The following TENM3 variants were observed in gnomAD, a reference collection of about 807,000 sequenced individuals.
TENM3 encodes teneurin-3.
Under a neutral mutation model 255.1 loss-of-function variants are expected in TENM3, and 63 were observed. The ratio of observed to expected loss-of-function variants is 0.25; its 90% confidence interval spans 0.20 to 0.30. TENM3 has a LOEUF of 0.30. Among genes scored for constraint, TENM3 ranks in the 10% least tolerant of loss-of-function variants. The probability of loss-of-function intolerance (pLI) is 1.00; values close to 1 mark genes in which losing one functional copy is unlikely to be tolerated. For missense variants in TENM3, 2,929 were observed against 3,461.1 expected (o/e 0.85, Z 3.86); for synonymous variants, 1,306 against 1,322.3 (o/e 0.99, Z 0.27).
chr4:181,644,432 T>TA, the TENM3 span, among the ~76,000 whole-genome samples: 26,370 of 146,272 alleles, frequency 0.18, 2,504 homozygotes, highest in East Asian at 0.32. Context: ...TCTCTTATCT[T>TA]AAAAAAAAAA....
chr4:181,961,284 A>G, the TENM3 span, among the ~76,000 whole-genome samples: 1 of 152,312 alleles, frequency 6.6e-6, no homozygotes, highest in East Asian at 1.9e-4. Context: ...ACTGTTTGCA[A>G]TTGTTTTACA....
chr4:181,672,585 A>G, the TENM3 span, among the ~76,000 whole-genome samples: 2 of 152,144 alleles, frequency 1.3e-5, no homozygotes, highest in African/African-American at 2.4e-5. Context: ...TCTCACACAA[A>G]GTATAAAAGA....
At chr4:181,984,206 T>C in the TENM3 span, among the ~76,000 whole-genome samples, 1 of 152,082 alleles carries the variant, frequency 6.6e-6, no homozygotes, top group South Asian at 2.1e-4. Flanking sequence ...TTGACAGGCC[T>C]TGGGCCACCA....
chr4:182,653,915 C>G, intron 6 of TENM3, 22 bp downstream of exon 6: 1 of 1,588,140 alleles, frequency 6.3e-7, no homozygotes. Flanking sequence ...AATTATGTAT[C>G]CTGTGTTTCT....
chr4:181,481,202 A>G, the TENM3 span, among the ~76,000 whole-genome samples: 1 of 152,058 alleles, frequency 6.6e-6, no homozygotes, highest in African/African-American at 2.4e-5. Flanking sequence ...CAGAAGTAAT[A>G]CAATCTACCT....
At chr4:182,389,976 C>T (rs1422726582) in intron 3 of TENM3, among the ~76,000 whole-genome samples, 1 of 152,200 alleles carries the variant, frequency 6.6e-6, no homozygotes. Context: ...TGAGCCACCG[C>T]GCCCGGCCCA....
chr4:182,268,657 G>A (rs1561264216), intron 1 of TENM3, among the ~76,000 whole-genome samples: 1 of 152,036 alleles, frequency 6.6e-6, no homozygotes, highest in Admixed American at 6.6e-5. Flanking sequence ...AAAGGAGCCG[G>A]CCAAAACCCA....
the TENM3 span, among the ~76,000 whole-genome samples, chr4:181,674,198 A>C: frequency 6.6e-6 from 1 of 152,094 alleles, no homozygotes; most frequent in Admixed American, 6.6e-5. Flanking sequence ...GGGTTTCACC[A>C]TGTTGCCCAG....
chr4:181,984,960 A>C, the TENM3 span, among the ~76,000 whole-genome samples: 1 of 152,120 alleles, frequency 6.6e-6, no homozygotes, highest in East Asian at 1.9e-4. Flanking sequence ...TATACTGGGA[A>C]AGAATGATCA....
At chr4:181,744,631 G>C in the TENM3 span, among the ~76,000 whole-genome samples, 1 of 152,172 alleles carries the variant, frequency 6.6e-6, no homozygotes, top group African/African-American at 2.4e-5. Flanking sequence ...GCTAGCTGGA[G>C]ACTATTGCAA....
chr4:182,144,622 G>T (rs868735098), upstream of TENM3: 8 of 142,454 alleles, frequency 5.6e-5, no homozygotes, highest in Admixed American at 2.1e-4. Context: ...CCCGCTCCCC[G>T]CTCCCTCGGC....
intron 11 of TENM3, among the ~76,000 whole-genome samples, chr4:182,686,485 C>A: frequency 6.6e-6 from 1 of 152,056 alleles, no homozygotes; most frequent in East Asian, 1.9e-4. Flanking sequence ...CACTTTACTG[C>A]CTACCTCTTT....
At chr4:182,642,607 C>T (rs1469061479) in intron 5 of TENM3, among the ~76,000 whole-genome samples, 1 of 151,984 alleles carries the variant, frequency 6.6e-6, no homozygotes, top group Non-Finnish European at 1.5e-5. Flanking sequence ...TGCATTATGC[C>T]AAGAAAGGAT....
At chr4:181,806,948 G>T in the TENM3 span, among the ~76,000 whole-genome samples, 1 of 151,958 alleles carries the variant, frequency 6.6e-6, no homozygotes, top group Non-Finnish European at 1.5e-5. Flanking sequence ...TATCTGTCTC[G>T]CCCATCACTG....
At chr4:181,522,149 A>G in the TENM3 span, among the ~76,000 whole-genome samples, 2 of 146,366 alleles carry the variant, frequency 1.4e-5, no homozygotes, top group African/African-American at 5.0e-5. Flanking sequence ...TAATGTGGAG[A>G]GAGTGTATTA....
the TENM3 span, among the ~76,000 whole-genome samples, chr4:182,114,062 G>A: frequency 2.6e-5 from 4 of 152,092 alleles, no homozygotes; most frequent in Middle Eastern, 3.2e-3. Context: ...ATTCTATCTG[G>A]TTTTAATATT....
intron 6 of TENM3, 31 bp downstream of exon 6, chr4:182,653,924 C>G: frequency 6.4e-7 from 1 of 1,573,478 alleles, no homozygotes; most frequent in Middle Eastern, 1.7e-4. Context: ...TCCTGTGTTT[C>G]TCTTTTAACA....
intron 1 of TENM3, among the ~76,000 whole-genome samples, chr4:182,301,090 G>A (rs1055622016): frequency 1.2e-4 from 19 of 152,202 alleles, no homozygotes; most frequent in African/African-American, 4.3e-4. Context: ...TTAAGCCTCT[G>A]TAGCAAAAGG....
At chr4:182,115,189 A>G in the TENM3 span, among the ~76,000 whole-genome samples, 1 of 152,132 alleles carries the variant, frequency 6.6e-6, no homozygotes, top group South Asian at 2.1e-4. Context: ...TCAAAAATAA[A>G]AATAAAATAT....
Sources: allele counts gnomAD v4.1 joint callset (sites outside exome capture counted in the v4.1 genomes callset), GRCh38; gene constraint gnomAD v4.1.1; transcripts MANE v1.5; gene names NCBI Gene and HGNC (gene_info 2026-07-23, HGNC 2026-07-21).